Variants in FAM13A observed in about 807,000 individuals in gnomAD.
FAM13A encodes protein FAM13A.
Under a neutral mutation model 129.6 loss-of-function variants are expected in FAM13A, and 76 were observed. The observed-to-expected ratio is 0.59, with a 90% confidence interval of 0.49 to 0.71. FAM13A has a LOEUF of 0.71. Among genes scored for constraint, FAM13A ranks in the 30% least tolerant of loss-of-function variants. The probability of loss-of-function intolerance (pLI) is 0.00; values close to 1 mark genes in which losing one functional copy is unlikely to be tolerated. For synonymous variants in FAM13A, 443 were observed against 449.9 expected (o/e 0.98, Z 0.20); for missense variants, 1,108 against 1,249.3 (o/e 0.89, Z 1.70).
At chr4:88,891,598 T>A (rs960348494) in intron 6 of FAM13A, among the ~76,000 whole-genome samples, 14 of 152,096 alleles carry the variant, frequency 9.2e-5, no homozygotes, top group African/African-American at 3.1e-4. Flanking sequence ...AAAATATGTA[T>A]CCAGGCCAGG....
intron 1 of FAM13A, among the ~76,000 whole-genome samples, chr4:89,050,985 A>T (rs1771518668): frequency 6.6e-6 from 1 of 152,204 alleles, no homozygotes; most frequent in South Asian, 2.1e-4. Flanking sequence ...AACTTATGCA[A>T]TATTTGTCTG....
chr4:89,057,089 C>A lies in FAM13A; in HGVS notation c.-125G>T. The stretch of plus-strand genomic sequence containing the variant: ...GAAAAACAGCTCCCAATGCAAAGGC[C>A]CCAAGGTAAGCGAAGAGCAGCTTCT... On this transcript the variant is annotated 5_prime_UTR_variant, in exon 1 of 24. Coordinates refer to ENST00000264344, the MANE Select transcript of FAM13A (RefSeq NM_014883.4). 6.6e-7 allele frequency: 1 copy of A among 1,518,050 alleles called. No individual in the cohort carries two copies. The highest frequency in any genetic ancestry group is 1.3e-5 in the South Asian group (1 of 76,568). 94.0% of individuals were successfully genotyped at this position (1,518,050 alleles called of 1,614,324 possible).
intron 7 of FAM13A, among the ~76,000 whole-genome samples, chr4:88,820,825 A>T (rs559137607): frequency 1.3e-5 from 2 of 152,358 alleles, no homozygotes; most frequent in Admixed American, 1.3e-4. Context: ...ATTCTCATGC[A>T]CTCAAAGTAT....
intron 1 of FAM13A, among the ~76,000 whole-genome samples, chr4:89,043,321 T>C (rs956117068): frequency 6.6e-6 from 1 of 152,144 alleles, no homozygotes; most frequent in South Asian, 2.1e-4. Context: ...GAGGCAAGTT[T>C]ATGAAGAAAA....
chr4:88,913,712 A>T (rs374970713), intron 5 of FAM13A, among the ~76,000 whole-genome samples: 4 of 152,236 alleles, frequency 2.6e-5, no homozygotes, highest in East Asian at 1.9e-4. Context: ...GAGTGACTCA[A>T]GAGTTGATAC....
chr4:88,967,372 C>A (rs527804276), intron 4 of FAM13A, among the ~76,000 whole-genome samples: 1 of 152,300 alleles, frequency 6.6e-6, no homozygotes, highest in African/African-American at 2.4e-5. Flanking sequence ...TTTCCCTACA[C>A]AATCTTATTT....
chr4:88,965,301 T>C (rs1300078747), intron 4 of FAM13A, among the ~76,000 whole-genome samples: 2 of 152,242 alleles, frequency 1.3e-5, no homozygotes, highest in African/African-American at 4.8e-5. Flanking sequence ...CTGGGTTTGT[T>C]GCTGTGCAGA....
chr4:88,771,295 A>G (rs1176589466), intron 11 of FAM13A, among the ~76,000 whole-genome samples: 1 of 152,134 alleles, frequency 6.6e-6, no homozygotes, highest in Non-Finnish European at 1.5e-5. Flanking sequence ...GGAATGATTA[A>G]GATAAAGAAA....
chr4:89,041,648 C>T (rs553298083), intron 1 of FAM13A, among the ~76,000 whole-genome samples: 5 of 152,004 alleles, frequency 3.3e-5, no homozygotes, highest in Admixed American at 1.3e-4. Flanking sequence ...AGGCCGGGCA[C>T]GGTGGCTCAT....
intron 19 of FAM13A, among the ~76,000 whole-genome samples, chr4:88,741,271 G>T (rs1490725207): frequency 6.6e-6 from 1 of 152,166 alleles, no homozygotes; most frequent in Non-Finnish European, 1.5e-5. Flanking sequence ...CCCATCAGTG[G>T]TAGAATAAAG....
Position 88,965,734 on chromosome 4 carries a change from C to CT in FAM13A, c.605+25238_605+25239insA, listed in dbSNP as rs1476753571. Among the ~76,000 whole-genome samples, 228 of 152,252 alleles carry CT rather than the reference C, an allele frequency of 1.5e-3. 3 individuals carry two copies. Among genetic ancestry groups the CT allele is most frequent in the African/African-American group, 5.2e-3 (218 of 41,534 alleles). On this transcript the variant is annotated intron_variant, in intron 4 of 23. Transcript: ENST00000264344. The stretch of plus-strand genomic sequence containing the variant: ...AACATATCTCCTTTTTCCACTCCCC[C>CT]AGCCCCTGCTAACCACCATTCTACC...
chr4:88,823,182 T>C (rs1732374505), intron 7 of FAM13A: 1 of 1,459,828 alleles, frequency 6.9e-7, no homozygotes, highest in South Asian at 1.5e-5. Context: ...GCTCTCAGCC[T>C]CCAAACTTCT....
Position 88,852,113 on chromosome 4 carries a change from T to C in FAM13A, c.844-930A>G, listed in dbSNP as rs558093073. Among the ~76,000 whole-genome samples, 67 of 151,972 alleles carry C rather than the reference T, an allele frequency of 4.4e-4. 1 individual carries two copies. The South Asian group carries it at 6.2e-3, about 14-fold the overall frequency. On this transcript the variant is annotated intron_variant, in intron 6 of 23. Transcript: ENST00000264344. The stretch of plus-strand genomic sequence containing the variant: ...AAAACCAAACCAATCCTAACTTCCT[T>C]AGAGGCTGAGATAACTCCAGTGGAC...
intron 5 of FAM13A, among the ~76,000 whole-genome samples, chr4:88,918,797 TCTCC>T (rs1750531090): frequency 6.6e-6 from 1 of 152,134 alleles, no homozygotes; most frequent in African/African-American, 2.4e-5. Context: ...TTCCTCATCT[TCTCC>T]CTCTGGGCAT....
chr4:89,054,744 A>T (rs1049323277), intron 1 of FAM13A, among the ~76,000 whole-genome samples: 3 of 152,194 alleles, frequency 2.0e-5, no homozygotes, highest in Admixed American at 6.5e-5. Context: ...CCATATCCAC[A>T]CTGACTTTTC....
intron 6 of FAM13A, among the ~76,000 whole-genome samples, chr4:88,881,185 A>T (rs886805458): frequency 6.6e-6 from 1 of 152,202 alleles, no homozygotes; most frequent in Non-Finnish European, 1.5e-5. Flanking sequence ...AACTAGCCCA[A>T]TAAACAAAAC....
intron 3 of FAM13A, among the ~76,000 whole-genome samples, chr4:89,002,982 A>C (rs1418545416): frequency 2.6e-5 from 4 of 152,164 alleles, no homozygotes; most frequent in Non-Finnish European, 5.9e-5. Flanking sequence ...GACAGTGATA[A>C]GTCATTTAAA....
At chr4:89,030,120 T>G (rs756051355) in intron 1 of FAM13A, among the ~76,000 whole-genome samples, 1 of 152,156 alleles carries the variant, frequency 6.6e-6, no homozygotes, top group Non-Finnish European at 1.5e-5. Flanking sequence ...TCATCTATAA[T>G]GACCATTATA....
chr4:88,893,785 C>G (rs1337307348), intron 6 of FAM13A, among the ~76,000 whole-genome samples: 1 of 150,810 alleles, frequency 6.6e-6, no homozygotes, highest in Admixed American at 6.6e-5. Flanking sequence ...CGAGATCGCG[C>G]CACTGCACTC....
Sources: gnomAD v4.1 joint callset for allele counts (sites outside exome capture counted in the v4.1 genomes callset) on GRCh38, gnomAD v4.1.1 for gene constraint, MANE v1.5 for transcripts, NCBI Gene and HGNC (gene_info 2026-07-23, HGNC 2026-07-21) for gene names.